COLEC10: variants seen among roughly 807,000 people sequenced by gnomAD.
The protein encoded by COLEC10 is collectin-10.
COLEC10 carries 22 observed loss-of-function variants against 28.4 expected under a neutral mutation model. That is an observed-to-expected ratio of 0.78 (90% CI 0.55 to 1.11). The LOEUF is 1.11. Ranked by LOEUF, COLEC10 falls within the 50% of genes least tolerant of loss-of-function variation. The pLI is 0.00. For missense variants in COLEC10, 361 were observed against 344.1 expected, an observed-to-expected ratio of 1.05 and a Z score of -0.39; for synonymous variants, 125 against 116.1, an observed-to-expected ratio of 1.08 and a Z score of -0.49.
At chr8:119,027,160 C>T (rs1814206792) in intron 2 of COLEC10, among the ~76,000 whole-genome samples, 1 of 152,120 alleles carries the variant, frequency 6.6e-6, no homozygotes, top group Non-Finnish European at 1.5e-5. Context: ...CAATGTCTAT[C>T]ATATAGTAAG....
chr8:119,036,494 A>T (rs536165165), intron 2 of COLEC10, among the ~76,000 whole-genome samples: 1 of 152,324 alleles, frequency 6.6e-6, no homozygotes, highest in South Asian at 2.1e-4. Context: ...AGTATATTGA[A>T]CATTTTGACA....
the COLEC10 span, among the ~76,000 whole-genome samples, chr8:118,959,794 C>T: frequency 6.6e-6 from 1 of 152,206 alleles, no homozygotes. Context: ...CCATGCCAGA[C>T]ACTGTGAAAC....
chr8:119,096,307 T>C (rs567032562), intron 3 of COLEC10, among the ~76,000 whole-genome samples: 2 of 152,162 alleles, frequency 1.3e-5, no homozygotes, highest in Non-Finnish European at 2.9e-5. Flanking sequence ...ATAAAGAACT[T>C]CTGGCCAGGT....
intron 1 of COLEC10, among the ~76,000 whole-genome samples, chr8:118,995,966 A>G (rs932799303): frequency 3.9e-5 from 6 of 152,138 alleles, no homozygotes; most frequent in African/African-American, 1.4e-4. Context: ...TGCAGGTACA[A>G]TGTTGCACAG....
chr8:119,066,833 A>G (rs1317491970), upstream of COLEC10, among the ~76,000 whole-genome samples: 1 of 152,220 alleles, frequency 6.6e-6, no homozygotes. Context: ...ACAAGCAGGT[A>G]ATAAATATCA....
At chr8:119,054,518 G>A (rs1207785179) in intron 2 of COLEC10, among the ~76,000 whole-genome samples, 1 of 152,070 alleles carries the variant, frequency 6.6e-6, no homozygotes, top group East Asian at 1.9e-4. Flanking sequence ...GTGGGGCTGG[G>A]ATTGGTTAGA....
chr8:119,013,720 G>T (rs1402256985), intron 2 of COLEC10, among the ~76,000 whole-genome samples: 1 of 150,508 alleles, frequency 6.6e-6, no homozygotes, highest in Non-Finnish European at 1.5e-5. Context: ...ATTACGTAAT[G>T]CCCCTCCTTT....
chr8:118,977,108 T>A, the COLEC10 span, among the ~76,000 whole-genome samples: 1 of 149,856 alleles, frequency 6.7e-6, no homozygotes, highest in Non-Finnish European at 1.5e-5. Context: ...CAACAGGTGC[T>A]GGAGAGGATG....
chr8:118,952,908 C>A, the COLEC10 span, among the ~76,000 whole-genome samples: 1 of 152,158 alleles, frequency 6.6e-6, no homozygotes, highest in Non-Finnish European at 1.5e-5. Context: ...CGCGGGTTGC[C>A]ACTGAAATTG....
At chr8:118,969,093 C>T in the COLEC10 span, among the ~76,000 whole-genome samples, 18 of 151,990 alleles carry the variant, frequency 1.2e-4, no homozygotes, top group Non-Finnish European at 2.2e-4. Context: ...AAGAGGAAGG[C>T]AAGAGGATCA....
intron 2 of COLEC10, among the ~76,000 whole-genome samples, chr8:119,048,925 G>C (rs1814629494): frequency 6.6e-6 from 1 of 152,184 alleles, no homozygotes; most frequent in African/African-American, 2.4e-5. Flanking sequence ...TTGCTTTATA[G>C]TGCTTGTGGG....
At chr8:118,969,757 A>T in the COLEC10 span, among the ~76,000 whole-genome samples, 1 of 150,564 alleles carries the variant, frequency 6.6e-6, no homozygotes, top group Non-Finnish European at 1.5e-5. Context: ...AGTTGGATAG[A>T]GTGGGTTTCT....
At chr8:119,005,030 C>A (rs145902339) in intron 1 of COLEC10, among the ~76,000 whole-genome samples, 8 of 151,958 alleles carry the variant, frequency 5.3e-5, no homozygotes, top group Non-Finnish European at 1.0e-4. Flanking sequence ...GCTCAAAATC[C>A]GTCAATGACA....
chr8:118,984,882 G>A, the COLEC10 span, among the ~76,000 whole-genome samples: 2 of 152,076 alleles, frequency 1.3e-5, no homozygotes, highest in African/African-American at 2.4e-5. Flanking sequence ...CACATCTTAC[G>A]TGGATGGTGG....
At chr8:119,043,229 A>G (rs1814529251) in intron 2 of COLEC10, among the ~76,000 whole-genome samples, 1 of 152,226 alleles carries the variant, frequency 6.6e-6, no homozygotes, top group Non-Finnish European at 1.5e-5. Context: ...GTTTTTAATA[A>G]TTCACACCTC....
chr8:119,069,629 A>AAAAATTTATATATATATAT (rs1554627284), intron 1 of COLEC10, among the ~76,000 whole-genome samples: 8 of 42,882 alleles, frequency 1.9e-4, no homozygotes, highest in Non-Finnish European at 3.5e-4. Flanking sequence ...AAAAAAAAAA[A>AAAAATTTATATATATATAT]ATATATATAT....
At chr8:119,014,812 C>G (rs1023301320) in intron 2 of COLEC10, among the ~76,000 whole-genome samples, 8 of 151,012 alleles carry the variant, frequency 5.3e-5, no homozygotes, top group Admixed American at 1.3e-4. Context: ...ATTGAGATAG[C>G]CTGAAACGCA....
In COLEC10 at chr8:119,053,179, C is replaced by T. The variant is rs371789702; in HGVS notation, n.236-36501C>T. ...CATAAAACTGCTTTATATTGGGATG[C>T]TTCAGGGAAACCGTAAAAGGGGGGA... is the stretch of plus-strand genomic sequence containing the variant. On this transcript the variant is annotated intron_variant and non_coding_transcript_variant, in intron 2 of 6. Transcript: ENST00000521788. Among the ~76,000 whole-genome samples, 14 of 152,122 alleles carry T rather than the reference C, an allele frequency of 9.2e-5. No homozygotes were observed. In the East Asian group the frequency reaches 1.9e-3, roughly 21 times the overall value.
intron 3 of COLEC10, among the ~76,000 whole-genome samples, chr8:119,091,573 A>AAGAAAGAAAGAG (rs1554629251): frequency 4.3e-5 from 6 of 140,556 alleles, no homozygotes; most frequent in Non-Finnish European, 7.7e-5. Flanking sequence ...GAAAGAAAGA[A>AAGAAAGAAAGAG]AGAGAGAGAG....
Sources: allele counts gnomAD v4.1 joint callset (sites outside exome capture counted in the v4.1 genomes callset), GRCh38; gene constraint gnomAD v4.1.1; transcripts MANE v1.5; gene names NCBI Gene and HGNC (gene_info 2026-07-23, HGNC 2026-07-21).